MBNL2: variants seen among roughly 807,000 people sequenced by gnomAD.
MBNL2 encodes the protein muscleblind like splicing regulator 2.
MBNL2 carries 17 observed loss-of-function variants against 41.9 expected under a neutral mutation model. The ratio of observed to expected loss-of-function variants is 0.41; its 90% CI spans 0.28 to 0.61. The LOEUF (loss-of-function observed/expected upper bound fraction) is 0.61. Ranked by LOEUF, MBNL2 falls within the 20% of genes least tolerant of loss-of-function variation. The pLI is 0.35. For missense variants in MBNL2, 336 were observed against 505.6 expected, an observed-to-expected ratio of 0.66 and a Z score of 3.22; for synonymous variants, 195 against 182.9, an observed-to-expected ratio of 1.07 and a Z score of -0.53.
chr13:97,209,071 G>A, the MBNL2 span, among the ~76,000 whole-genome samples: 37 of 152,168 alleles, frequency 2.4e-4, no homozygotes, highest in African/African-American at 7.2e-4. Context: ...AGCTAAAAAG[G>A]TACAATAAAT....
chr13:97,158,073 T>G, the MBNL2 span, among the ~76,000 whole-genome samples: 2 of 150,266 alleles, frequency 1.3e-5, no homozygotes, highest in African/African-American at 2.4e-5. Flanking sequence ...CAATTTCAGA[T>G]CCTGTTATTG....
chr13:97,222,034 T>G (rs1337591605), upstream of MBNL2, among the ~76,000 whole-genome samples: 2 of 152,216 alleles, frequency 1.3e-5, no homozygotes, highest in Non-Finnish European at 2.9e-5. Flanking sequence ...ACGGTGAAGC[T>G]CCTGGCTTCG....
At chr13:97,288,533 G>A (rs759826046) in intron 2 of MBNL2, among the ~76,000 whole-genome samples, 201 of 152,316 alleles carry the variant, frequency 1.3e-3, no homozygotes, top group Admixed American at 3.9e-3. Flanking sequence ...AGAGAAGCCA[G>A]CGGAAAATGC....
chr13:97,222,334 G>T lies in MBNL2; in HGVS notation c.-802G>T. ...CTGCAGCTTACAGCAACAGAGTTTA[G>T]ACTGTCTTTGCTTCATCATCTGAAG... On this transcript the variant is annotated 5_prime_UTR_variant, in exon 1 of 9. Coordinates refer to ENST00000679496, the MANE Select transcript of MBNL2 (RefSeq NM_001382683.1). 1 of 398,490 alleles carries T rather than the reference G, an allele frequency of 2.5e-6. No homozygotes were observed. Among genetic ancestry groups the T allele is most frequent in the South Asian group, 1.3e-4 (1 of 7,798 alleles). 24.7% of individuals were successfully genotyped at this position (398,490 alleles called of 1,614,324 possible). A position where few individuals can be genotyped will look rare whatever the true frequency, so the allele number is the denominator to read the frequency against.
intron 8 of MBNL2, among the ~76,000 whole-genome samples, chr13:97,389,844 A>G (rs1223038682): frequency 6.6e-6 from 1 of 152,152 alleles, no homozygotes; most frequent in Non-Finnish European, 1.5e-5. Context: ...TCTTATTTGG[A>G]AAACTTACAG....
the MBNL2 span, among the ~76,000 whole-genome samples, chr13:97,180,760 A>C: frequency 3.3e-5 from 5 of 151,846 alleles, no homozygotes; most frequent in Admixed American, 2.6e-4. Context: ...AAAAAAAAAA[A>C]AAAACATGTT....
chr13:97,356,157 G>C (rs1473172838), intron 5 of MBNL2, among the ~76,000 whole-genome samples: 1 of 152,186 alleles, frequency 6.6e-6, no homozygotes, highest in Non-Finnish European at 1.5e-5. Flanking sequence ...GACAAGAATT[G>C]AGACAATTAT....
intron 1 of MBNL2, among the ~76,000 whole-genome samples, chr13:97,236,220 C>T (rs2043247349): frequency 6.6e-6 from 1 of 152,172 alleles, no homozygotes; most frequent in Non-Finnish European, 1.5e-5. Flanking sequence ...CACAAAATTA[C>T]TCCCTCACAC....
chr13:97,254,889 A>G (rs1031382551), intron 1 of MBNL2, among the ~76,000 whole-genome samples: 5 of 152,214 alleles, frequency 3.3e-5, no homozygotes, highest in African/African-American at 1.2e-4. Context: ...TCAAGCAAAT[A>G]AATCAGTATT....
intron 1 of MBNL2, among the ~76,000 whole-genome samples, chr13:97,252,918 C>T (rs1420813790): frequency 2.6e-5 from 4 of 152,064 alleles, no homozygotes; most frequent in Admixed American, 6.6e-5. Flanking sequence ...TTGAAAATTT[C>T]GAACAGCTTC....
At chr13:97,256,195 T>A (rs1193442958) in intron 1 of MBNL2, among the ~76,000 whole-genome samples, 1 of 152,164 alleles carries the variant, frequency 6.6e-6, no homozygotes, top group Non-Finnish European at 1.5e-5. Context: ...GATAAATCTT[T>A]TGAAGATAAA....
At chr13:97,193,618 G>A in the MBNL2 span, among the ~76,000 whole-genome samples, 13 of 152,270 alleles carry the variant, frequency 8.5e-5, no homozygotes, top group South Asian at 6.2e-4. Context: ...GGGATTAAAC[G>A]TGATAATCAA....
chr13:97,215,588 T>C, the MBNL2 span, among the ~76,000 whole-genome samples: 1 of 152,272 alleles, frequency 6.6e-6, no homozygotes. Context: ...GAGATAGGCA[T>C]GCTACAATCC....
the MBNL2 span, among the ~76,000 whole-genome samples, chr13:97,214,479 T>G: frequency 6.6e-6 from 1 of 152,226 alleles, no homozygotes; most frequent in Non-Finnish European, 1.5e-5. Flanking sequence ...TTATAAATTT[T>G]GACAAAAGGC....
chr13:97,174,853 A>C, the MBNL2 span, among the ~76,000 whole-genome samples: 195 of 152,266 alleles, frequency 1.3e-3, 1 homozygote, highest in African/African-American at 4.5e-3. Flanking sequence ...GGAAAAAAAA[A>C]AGACTCAATG....
intron 5 of MBNL2, among the ~76,000 whole-genome samples, chr13:97,354,233 A>C (rs1211863559): frequency 6.6e-6 from 1 of 152,176 alleles, no homozygotes. Flanking sequence ...CTTAGGATAC[A>C]CTAGGCTTGG....
chr13:97,302,336 C>T (rs1423098661), intron 2 of MBNL2, among the ~76,000 whole-genome samples: 1 of 152,112 alleles, frequency 6.6e-6, no homozygotes, highest in Non-Finnish European at 1.5e-5. Flanking sequence ...AGAGCGTTAC[C>T]TCTGTATTAT....
intron 8 of MBNL2, among the ~76,000 whole-genome samples, chr13:97,380,280 G>A (rs2065318145): frequency 6.6e-6 from 1 of 152,132 alleles, no homozygotes. Flanking sequence ...GATCACATGA[G>A]ATCAGGAATT....
At chr13:97,295,723 G>T (rs1281408055) in intron 2 of MBNL2, among the ~76,000 whole-genome samples, 1 of 152,160 alleles carries the variant, frequency 6.6e-6, no homozygotes, top group Non-Finnish European at 1.5e-5. Context: ...CACAGTAACA[G>T]TTTGGGGACT....
Sources: gnomAD v4.1 joint callset for allele counts (sites outside exome capture counted in the v4.1 genomes callset) on GRCh38, gnomAD v4.1.1 for gene constraint, MANE v1.5 for transcripts, NCBI Gene and HGNC (gene_info 2026-07-23, HGNC 2026-07-21) for gene names.